The following DPP10 variants were observed in gnomAD, a reference collection of about 807,000 sequenced individuals.
DPP10 encodes the protein inactive dipeptidyl peptidase 10.
Under a neutral mutation model 120.9 loss-of-function variants are expected in DPP10, and 33 were observed. That is an observed-to-expected ratio of 0.27 (90% CI 0.21 to 0.37). The LOEUF is 0.37. Ranked by LOEUF, DPP10 falls within the 10% of genes least tolerant of loss-of-function variation. DPP10 has a pLI of 1.00. For synonymous variants in DPP10, 337 were observed against 326.1 expected, an observed-to-expected ratio of 1.03 and a Z score of -0.36; for missense variants, 816 against 942.8, an observed-to-expected ratio of 0.87 and a Z score of 1.76.
chr2:115,540,677 T>C (rs923563043), intron 5 of DPP10, among the ~76,000 whole-genome samples: 1 of 151,950 alleles, frequency 6.6e-6, no homozygotes, highest in Non-Finnish European at 1.5e-5. Flanking sequence ...AACTTGTGAA[T>C]ACTGTCAGAC....
At chr2:114,741,511 A>T (rs929221566) in intron 1 of DPP10, among the ~76,000 whole-genome samples, 1 of 152,170 alleles carries the variant, frequency 6.6e-6, no homozygotes, top group Non-Finnish European at 1.5e-5. Flanking sequence ...AGGAACAGGA[A>T]GAGAAAGCAG....
intron 3 of DPP10, among the ~76,000 whole-genome samples, chr2:115,371,420 G>A (rs1477839230): frequency 6.6e-6 from 1 of 152,082 alleles, no homozygotes; most frequent in South Asian, 2.1e-4. Context: ...AATAAAATAC[G>A]TGAACTTGAG....
chr2:114,713,846 G>A (rs1282403782), intron 1 of DPP10, among the ~76,000 whole-genome samples: 1 of 151,812 alleles, frequency 6.6e-6, no homozygotes, highest in Non-Finnish European at 1.5e-5. Context: ...ATAGCCGGGC[G>A]TGGTAGCACA....
At position 114,485,066 on chromosome 2, in the gene DPP10, A is replaced by G. The variant is rs142633874; in HGVS notation, c.60+42228A>G. Among the ~76,000 whole-genome samples, 716 of 152,284 alleles carry G rather than the reference A, an allele frequency of 4.7e-3. 4 individuals carry two copies. Among genetic ancestry groups the G allele is most frequent in the African/African-American group, 0.016 (677 of 41,568 alleles). ...GGAATAAGGTTGAATTAGCTAGACA[A>G]AGCTCTGTGGAGTGGGTTGGTAAAT... On this transcript the variant is annotated intron_variant, in intron 1 of 25. Coordinates refer to ENST00000410059, the MANE Select transcript of DPP10 (RefSeq NM_020868.6).
intron 1 of DPP10, among the ~76,000 whole-genome samples, chr2:115,073,414 G>A (rs1287432009): frequency 6.6e-6 from 1 of 152,196 alleles, no homozygotes; most frequent in East Asian, 1.9e-4. Flanking sequence ...CTAGGCGCAG[G>A]GGGTGGCAGC....
chr2:114,901,902 C>G (rs1273052306), intron 1 of DPP10, among the ~76,000 whole-genome samples: 4 of 152,134 alleles, frequency 2.6e-5, no homozygotes, highest in Admixed American at 2.0e-4. Context: ...TGGTGTGGTC[C>G]AGTCAAAGCA....
At chr2:115,631,515 G>T (rs2085869846) in intron 5 of DPP10, among the ~76,000 whole-genome samples, 1 of 151,904 alleles carries the variant, frequency 6.6e-6, no homozygotes, top group Non-Finnish European at 1.5e-5. Context: ...ATATTGATTT[G>T]AGCTCTTTCT....
At chr2:115,711,265 C>A (rs766958597) in intron 7 of DPP10, among the ~76,000 whole-genome samples, 1 of 151,688 alleles carries the variant, frequency 6.6e-6, no homozygotes, top group Non-Finnish European at 1.5e-5. Flanking sequence ...AGAGACCTTA[C>A]AAAAGAAAAA....
intron 3 of DPP10, among the ~76,000 whole-genome samples, chr2:115,435,145 T>G (rs563980721): frequency 6.6e-6 from 1 of 151,868 alleles, no homozygotes; most frequent in South Asian, 2.1e-4. Context: ...GTAATAAACC[T>G]AAGAGTGCAG....
intron 1 of DPP10, among the ~76,000 whole-genome samples, chr2:115,121,168 T>G (rs1467008632): frequency 6.6e-6 from 1 of 152,228 alleles, no homozygotes; most frequent in Non-Finnish European, 1.5e-5. Flanking sequence ...ATTCAGAGTT[T>G]GGGTAGATAT....
chr2:115,715,643 T>G (rs1200892740), intron 7 of DPP10, among the ~76,000 whole-genome samples: 2 of 152,212 alleles, frequency 1.3e-5, no homozygotes, highest in Non-Finnish European at 2.9e-5. Context: ...ACAGACACAT[T>G]AGGACTGCAG....
intron 3 of DPP10, among the ~76,000 whole-genome samples, chr2:115,463,168 T>G (rs975002356): frequency 6.6e-6 from 1 of 152,194 alleles, no homozygotes; most frequent in Non-Finnish European, 1.5e-5. Context: ...AATGACCAAC[T>G]CTTCCTTATA....
chr2:114,627,659 G>T (rs1694618805), intron 1 of DPP10, among the ~76,000 whole-genome samples: 1 of 152,028 alleles, frequency 6.6e-6, no homozygotes, highest in African/African-American at 2.4e-5. Flanking sequence ...AATATGAGCT[G>T]CAGGGCTAAT....
intron 1 of DPP10, among the ~76,000 whole-genome samples, chr2:115,052,026 A>C (rs1231419982): frequency 1.3e-5 from 2 of 152,218 alleles, no homozygotes; most frequent in East Asian, 3.8e-4. Context: ...AATAAATCCT[A>C]GTACTTATGT....
chr2:114,538,583 A>C (rs1037957914), intron 1 of DPP10, among the ~76,000 whole-genome samples: 2 of 152,202 alleles, frequency 1.3e-5, no homozygotes, highest in African/African-American at 4.8e-5. Context: ...TGTTTCTTAC[A>C]TTCCCCAAAA....
chr2:115,625,593 T>C (rs2085296811), intron 5 of DPP10, among the ~76,000 whole-genome samples: 1 of 152,164 alleles, frequency 6.6e-6, no homozygotes, highest in Non-Finnish European at 1.5e-5. Context: ...CCATGTAGTT[T>C]GGAAAATCAA....
chr2:114,773,253 G>A (rs1442000052), intron 1 of DPP10, among the ~76,000 whole-genome samples: 7 of 152,158 alleles, frequency 4.6e-5, no homozygotes, highest in Non-Finnish European at 8.8e-5. Flanking sequence ...AGGGAAATTC[G>A]AGGAGTGATA....
intron 1 of DPP10, among the ~76,000 whole-genome samples, chr2:115,146,694 G>A (rs1454970657): frequency 6.6e-6 from 1 of 151,918 alleles, no homozygotes; most frequent in East Asian, 1.9e-4. Context: ...TGATTCAATT[G>A]AAATCATAAT....
chr2:114,516,549 GA>G (rs1364575762), intron 1 of DPP10, among the ~76,000 whole-genome samples: 5 of 152,206 alleles, frequency 3.3e-5, no homozygotes, highest in Non-Finnish European at 7.3e-5. Flanking sequence ...GGAAAAGGGG[GA>G]AAATATGTCT....
Sources: gnomAD v4.1 joint callset for allele counts (sites outside exome capture counted in the v4.1 genomes callset) on GRCh38, gnomAD v4.1.1 for gene constraint, MANE v1.5 for transcripts, NCBI Gene and HGNC (gene_info 2026-07-23, HGNC 2026-07-21) for gene names.